The following PRRC2B variants were observed in gnomAD, a reference collection of about 807,000 sequenced individuals.
The protein encoded by PRRC2B is proline rich coiled-coil 2B.
A neutral mutation model predicts 242.3 loss-of-function variants in PRRC2B; 68 were observed. That is an observed-to-expected ratio of 0.28 (90% CI 0.23 to 0.34). PRRC2B has a LOEUF of 0.34. PRRC2B is among the 10% of genes least tolerant of loss of function. The probability of loss-of-function intolerance (pLI) is 1.00; values close to 1 mark genes in which losing one functional copy is unlikely to be tolerated. For missense variants in PRRC2B, 2,835 were observed against 2,954.8 expected (o/e 0.96, Z 0.94); for synonymous variants, 1,228 against 1,173.6 (o/e 1.05, Z -0.95).
intron 1 of PRRC2B, among the ~76,000 whole-genome samples, chr9:131,381,755 T>G (rs1250483025): frequency 6.6e-6 from 1 of 151,508 alleles, no homozygotes; most frequent in African/African-American, 2.4e-5. Context: ...TATTATTGTT[T>G]TTTTGGGACA....
At chr9:131,388,790 C>T (rs1055841714) in intron 1 of PRRC2B, among the ~76,000 whole-genome samples, 1 of 149,524 alleles carries the variant, frequency 6.7e-6, no homozygotes, top group South Asian at 2.1e-4. Flanking sequence ...GATCCGCCCT[C>T]CTTGGACTTC....
chr9:131,399,859 C>A (rs953832273), intron 1 of PRRC2B, among the ~76,000 whole-genome samples: 1 of 152,032 alleles, frequency 6.6e-6, no homozygotes. Flanking sequence ...CTCCTGTATT[C>A]GTAGACATTT....
chr9:131,374,420 A>G (rs1189034220), intron 1 of PRRC2B, among the ~76,000 whole-genome samples: 2 of 152,258 alleles, frequency 1.3e-5, no homozygotes, highest in Admixed American at 1.3e-4. Flanking sequence ...AAAAAAAGAA[A>G]AAAGTCAGAA....
chr9:131,479,230 C>T (rs1235394603), intron 18 of PRRC2B, 22 bp from the exon 19 acceptor site: 11 of 1,612,530 alleles, frequency 6.8e-6, no homozygotes, highest in East Asian at 6.7e-5. Flanking sequence ...GGCTAGACTA[C>T]AGCATCCTTT....
At chr9:131,394,596 C>T (rs1480190201) in intron 1 of PRRC2B, among the ~76,000 whole-genome samples, 2 of 150,914 alleles carry the variant, frequency 1.3e-5, no homozygotes, top group Non-Finnish European at 3.0e-5. Flanking sequence ...CCCCCGAGGC[C>T]GGGCCGGGCT....
rs970102144 is a variant in PRRC2B, at chr9:131,408,782, T to C, written c.-52+14519T>C. On this transcript the variant is annotated intron_variant, in intron 1 of 31. Coordinates refer to ENST00000683519, the MANE Select transcript of PRRC2B (RefSeq NM_013318.4). ...TGCCCGGGCTGGAGTGCAAATGATA[T>C]GATCTCGGCTCACTGCAGCCTCCGC... Among the ~76,000 whole-genome samples the C allele has an allele frequency of 3.3e-5, 5 of 151,634 alleles. No homozygotes were observed. In the East Asian group the frequency reaches 7.8e-4, roughly 24 times the overall value.
At position 131,470,964 on chromosome 9, in the gene PRRC2B, C is replaced by T; in HGVS notation, c.2088C>T (p.Pro696=). The T allele has an allele frequency of 6.2e-7, 1 of 1,611,720 alleles. No homozygotes were observed. The highest frequency in any genetic ancestry group is 2.2e-5 in the East Asian group (1 of 44,776). The change falls in exon 14 of 32, where the codon CCC becomes CCT. Residue 696 remains proline (P), a synonymous_variant. Transcript: ENST00000683519. ...TPTRTPVDFY[P]SALHPSGLMK... ...CTCGGACCCCGGTGGACTTCTACCC[C>T]TCCGCCCTGCATCCCTCAGGTAAGC...
chr9:131,481,628 T>G, intron 19 of PRRC2B, 98 bp from the exon 20 acceptor site: 1 of 1,001,306 alleles, frequency 1.0e-6, no homozygotes, highest in Non-Finnish European at 1.5e-6. Flanking sequence ...GGGAGTTGGA[T>G]TTCTGCAAGC....
chr9:131,374,684 G>A (rs193280076), intron 1 of PRRC2B, among the ~76,000 whole-genome samples: 3 of 152,140 alleles, frequency 2.0e-5, no homozygotes, highest in Admixed American at 6.5e-5. Context: ...GCACCACCAC[G>A]TCCAGCTAAT....
At chr9:131,415,585 C>T (rs929637034) in intron 1 of PRRC2B, among the ~76,000 whole-genome samples, 1 of 152,180 alleles carries the variant, frequency 6.6e-6, no homozygotes, top group African/African-American at 2.4e-5. Context: ...TTATGTAGGT[C>T]TGAAAAAGTC....
Position 131,436,725 on chromosome 9 carries a change from A to G in PRRC2B, c.396+3A>G. 1 of 1,611,636 alleles carries G rather than the reference A, an allele frequency of 6.2e-7. No individual in the cohort carries two copies. Among genetic ancestry groups the G allele is most frequent in the Non-Finnish European group, 8.5e-7 (1 of 1,177,870 alleles). On this transcript the variant is annotated splice_donor_region_variant and intron_variant, in intron 4 of 31. Transcript: ENST00000683519. Reference sequence around the variant, plus strand: ...CGACACAGTCAATCAGTCAGGAGGTAGGTGCTGGGACCCCATCCCAACTGT... The same window carrying G: ...CGACACAGTCAATCAGTCAGGAGGTGGGTGCTGGGACCCCATCCCAACTGT...
At chr9:131,454,435 A>C (rs1462522646) in intron 9 of PRRC2B, among the ~76,000 whole-genome samples, 1 of 152,080 alleles carries the variant, frequency 6.6e-6, no homozygotes, top group Admixed American at 6.5e-5. Flanking sequence ...GATTTTAAAG[A>C]TATAATGTTC....
At chr9:131,458,492 A>G (rs1005209283) in intron 10 of PRRC2B, among the ~76,000 whole-genome samples, 7 of 117,090 alleles carry the variant, frequency 6.0e-5, no homozygotes, top group African/African-American at 1.6e-4. Flanking sequence ...AATACCTCAT[A>G]ATGTGTTTTT....
intron 9 of PRRC2B, among the ~76,000 whole-genome samples, chr9:131,450,249 C>T (rs7854848): frequency 0.88 from 133,939 of 152,100 alleles, 59,512 homozygotes; most frequent in South Asian, 0.97. Context: ...GTATCAACAT[C>T]GATAAGTGAC....
intron 10 of PRRC2B, among the ~76,000 whole-genome samples, chr9:131,456,618 A>G (rs1943088313): frequency 6.6e-6 from 1 of 151,866 alleles, no homozygotes; most frequent in Non-Finnish European, 1.5e-5. Flanking sequence ...AGCCCGGGCA[A>G]CAGAGCGAGA....
chr9:131,390,089 A>G (rs1836880353), upstream of PRRC2B, among the ~76,000 whole-genome samples: 2 of 148,760 alleles, frequency 1.3e-5, 1 homozygote, highest in Non-Finnish European at 3.0e-5. Flanking sequence ...TAGTTTTTGT[A>G]TTTTTGGTAG....
chr9:131,447,447 A>C (rs1838840256), intron 8 of PRRC2B, among the ~76,000 whole-genome samples: 1 of 152,150 alleles, frequency 6.6e-6, no homozygotes, highest in African/African-American at 2.4e-5. Context: ...CTGCTGCCCT[A>C]GGCCTTAGCA....
chr9:131,420,478 T>TTTCGTTCGTTCGTTCGTTCG (rs1491091546), intron 1 of PRRC2B, among the ~76,000 whole-genome samples: 1 of 15,682 alleles, frequency 6.4e-5, no homozygotes, highest in Non-Finnish European at 2.3e-4. Flanking sequence ...TCTTTCTTTC[T>TTTCGTTCGTTCGTTCGTTCG]TTCTTTCTTT....
chr9:131,479,765 C>A (rs533385481), intron 19 of PRRC2B, among the ~76,000 whole-genome samples: 1 of 152,158 alleles, frequency 6.6e-6, no homozygotes, highest in East Asian at 1.9e-4. Context: ...ATAGACCAGC[C>A]GCAAGAGTTC....
Sources: allele counts gnomAD v4.1 joint callset (sites outside exome capture counted in the v4.1 genomes callset), GRCh38; gene constraint gnomAD v4.1.1; transcripts MANE v1.5; gene names NCBI Gene and HGNC (gene_info 2026-07-23, HGNC 2026-07-21).